ACACB: variants seen among roughly 807,000 people sequenced by gnomAD.
ACACB encodes acetyl-CoA carboxylase beta.
In ACACB, 209 loss-of-function variants were observed where a neutral mutation model predicts 278.8. The observed-to-expected ratio is 0.75, with a 90% CI of 0.67 to 0.84. ACACB has a LOEUF of 0.84. Ranked by LOEUF, ACACB falls within the 40% of genes least tolerant of loss-of-function variation. ACACB has a pLI of 0.00. For synonymous variants in ACACB, 1,174 were observed against 1,285.6 expected (o/e 0.91, Z 1.86); for missense variants, 2,850 against 3,269.0 (o/e 0.87, Z 3.13).
Position 109,223,515 on chromosome 12 carries a change from G to A in ACACB, c.3793-300G>A, listed in dbSNP as rs527667133. 9.9e-5 allele frequency among the ~76,000 whole-genome samples: 15 copies of A among 152,216 alleles called. No homozygotes were observed. The East Asian group carries it at 1.9e-3, about 20-fold the overall frequency. On this transcript the variant is annotated intron_variant, in intron 26 of 52. Transcript: ENST00000338432. ...GCTCATGCCTGTAATCCCAGCACTC[G>A]GGAGGCCAAGACTGGAGGATCACTT...
chr12:109,212,959 G>A, intron 22 of ACACB, 23 bp downstream of exon 22: 4 of 1,602,332 alleles, frequency 2.5e-6, no homozygotes, highest in Non-Finnish European at 3.4e-6. Flanking sequence ...TCTCCCCGTA[G>A]GATGTGGTTG....
intron 47 of ACACB, 92 bp from the exon 48 acceptor site, chr12:109,260,388 C>T: frequency 2.0e-6 from 3 of 1,503,978 alleles, no homozygotes; most frequent in South Asian, 1.2e-5. Context: ...CAGCTGGGCT[C>T]ACTCTCCCAG....
At chr12:109,129,606 G>A (rs1234855897) in intron 1 of ACACB, among the ~76,000 whole-genome samples, 1 of 152,228 alleles carries the variant, frequency 6.6e-6, no homozygotes, top group East Asian at 1.9e-4. Context: ...CACTGGATCA[G>A]GGAACAGATA....
rs747068694 is a variant in ACACB at position 109,188,087 on chromosome 12, G to A, written c.2069G>A (p.Gly690Glu). ...VWGYFSVAAT[G>E]GLHEFADSQF... is the part of the protein sequence containing the mutation. Reference sequence around the variant, plus strand: ...GGTTACTTCAGCGTGGCCGCTACTGGAGGCCTGCACGAGTTTGCGGATTCC... The same window carrying A: ...GGTTACTTCAGCGTGGCCGCTACTGAAGGCCTGCACGAGTTTGCGGATTCC... The change falls in exon 13 of 53, where the codon GGA becomes GAA. Residue 690 changes from glycine (G) to glutamate (E), a missense_variant. Gly to Glu is a moderately conservative substitution (Grantham distance 98, BLOSUM62 -2). Transcript: ENST00000338432. 9 of 1,613,806 alleles carry A rather than the reference G, an allele frequency of 5.6e-6. No homozygotes were observed. The South Asian group carries it at 7.7e-5, about 14-fold the overall frequency.
intron 1 of ACACB, among the ~76,000 whole-genome samples, chr12:109,117,383 A>G (rs899582153): frequency 1.3e-5 from 2 of 151,930 alleles, no homozygotes; most frequent in African/African-American, 2.4e-5. Context: ...AAGAAAAGAA[A>G]AAGAAAAAAA....
At position 109,259,103 on chromosome 12, in the gene ACACB, T is replaced by C. The variant is rs1408784649; in HGVS notation, c.6491T>C (p.Met2164Thr). 6 of 1,613,714 alleles carry C rather than the reference T, an allele frequency of 3.7e-6. No homozygotes were observed. In the African/African-American group the frequency reaches 6.7e-5, roughly 18 times the overall value. The change falls in exon 47 of 53, where the codon ATG becomes ACG. Residue 2164 changes from methionine (M) to threonine (T), a missense_variant. Transcript: ENST00000338432. ...AACTGGAGGGGGTTCTCCGGTGGCA[T>C]GAAAGGTAAGCCCCTCCCTGCCTAT... The part of the protein sequence containing the change: ...FANWRGFSGG[M>T]KDMYDQVLKF...
intron 47 of ACACB, among the ~76,000 whole-genome samples, chr12:109,259,471 C>T (rs2047320551): frequency 6.6e-6 from 1 of 151,586 alleles, no homozygotes; most frequent in Admixed American, 6.6e-5. Context: ...CCTATTGTCC[C>T]AGCTATTTGG....
At chr12:109,265,314 C>G in intron 51 of ACACB, 34 bp downstream of exon 51, 6 of 1,611,320 alleles carry the variant, frequency 3.7e-6, no homozygotes, top group Non-Finnish European at 5.1e-6. Flanking sequence ...CCGGTGAGCA[C>G]AGGGGGTGCT....
At position 109,166,845 on chromosome 12, in the gene ACACB, C is replaced by T. The variant is rs755422374; in HGVS notation, c.654-16C>T. On this transcript the variant is annotated splice_polypyrimidine_tract_variant and intron_variant, in intron 2 of 52. Transcript: ENST00000338432. The stretch of plus-strand genomic sequence containing the variant: ...TCTTCCCTCATGCACGTCTGTCCCT[C>T]ATTCTTATTCTGCAGGCCGAGCATG... The T allele has an allele frequency of 1.9e-6, 3 of 1,613,942 alleles. No individual in the cohort carries two copies. In the South Asian group the frequency reaches 3.3e-5, roughly 18 times the overall value.
At chr12:109,263,425 C>G (rs375173768) in intron 49 of ACACB, 1 of 152,178 alleles carries the variant, frequency 6.6e-6, no homozygotes, top group Admixed American at 6.5e-5. Context: ...GATTTGCCTG[C>G]GTCAGCCTCC....
In ACACB at chr12:109,206,864, C is replaced by A; in HGVS notation, c.3060+8C>A. ...CCCGTTTTTAGCATAAAGGTAAAGTCACCTATGAGCGCAGGCGTGTAGACC... is the reference window on the plus strand; with the variant it reads ...CCCGTTTTTAGCATAAAGGTAAAGTAACCTATGAGCGCAGGCGTGTAGACC... On this transcript the variant is annotated splice_region_variant and intron_variant, in intron 20 of 52. Transcript: ENST00000338432. 1 of 1,614,152 alleles carries A rather than the reference C, an allele frequency of 6.2e-7. No individual in the cohort carries two copies. The highest frequency in any genetic ancestry group is 1.1e-5 in the South Asian group (1 of 91,066).
chr12:109,142,453 A>G (rs2043145015), intron 2 of ACACB, among the ~76,000 whole-genome samples: 1 of 152,074 alleles, frequency 6.6e-6, no homozygotes, highest in Non-Finnish European at 1.5e-5. Context: ...CTTTCCACCC[A>G]CTGTCTTCCT....
chr12:109,246,643 GA>G (rs936542047), intron 39 of ACACB, among the ~76,000 whole-genome samples, 195 bp downstream of exon 39: 2 of 151,662 alleles, frequency 1.3e-5, no homozygotes, highest in Admixed American at 6.6e-5. Context: ...ATGGTGATGA[GA>G]AAAAAAAGAT....
At chr12:109,212,701 C>A in intron 21 of ACACB, 135 bp from the exon 22 acceptor site, 1 of 689,152 alleles carries the variant, frequency 1.5e-6, no homozygotes, top group Non-Finnish European at 2.6e-6. Context: ...TGCTTACCTC[C>A]CACTGTTCAG....
Position 109,179,228 on chromosome 12 carries a change from G to A in ACACB, c.1578G>A (p.Arg526=). 1.9e-6 allele frequency: 3 copies of A among 1,614,028 alleles called. No individual in the cohort carries two copies. The highest frequency in any genetic ancestry group is 2.5e-6 in the Non-Finnish European group (3 of 1,180,020). Residue 526 remains arginine, a synonymous_variant, in exon 10 of 53, where the codon CGG becomes CGA. Transcript: ENST00000338432. ...GTCGCGACTGCTCCATCCAGCGGCG[G>A]CATCAGAAGATCGTTGAGGAAGCAC... ...LFGRDCSIQR[R]HQKIVEEAPA...
chr12:109,253,170 C>T lies in ACACB; in HGVS notation c.6045+12C>T, dbSNP rs1213034571. On this transcript the variant is annotated intron_variant, in intron 43 of 52. Coordinates refer to ENST00000338432, the MANE Select transcript of ACACB (RefSeq NM_001093.4). ...CCTATATGCCAAAGGTGCAGTACTCCCCCTGCAGCTTAGAACCTGGAAGAC... is the reference window on the plus strand; with the variant it reads ...CCTATATGCCAAAGGTGCAGTACTCTCCCTGCAGCTTAGAACCTGGAAGAC... 6 of 1,538,142 alleles carry T rather than the reference C, an allele frequency of 3.9e-6. No individual in the cohort carries two copies. The highest frequency in any genetic ancestry group is 3.5e-6 in the Non-Finnish European group (4 of 1,135,856).
At chr12:109,143,298 C>CA (rs2043163593) in intron 2 of ACACB, among the ~76,000 whole-genome samples, 1 of 151,340 alleles carries the variant, frequency 6.6e-6, no homozygotes, top group South Asian at 2.1e-4. Context: ...CTCATCTCTA[C>CA]AAAAAAATAT....
At chr12:109,200,226 C>G (rs1367824062) in intron 18 of ACACB, among the ~76,000 whole-genome samples, 1 of 151,764 alleles carries the variant, frequency 6.6e-6, no homozygotes, top group African/African-American at 2.4e-5. Flanking sequence ...GTCTGTCACC[C>G]GGGCTGGAGT....
At chr12:109,231,495 A>C (rs989824362) in intron 28 of ACACB, among the ~76,000 whole-genome samples, 5 of 152,090 alleles carry the variant, frequency 3.3e-5, no homozygotes, top group African/African-American at 1.2e-4. Context: ...TGACCCCTGG[A>C]TTGAGCTGTC....
Sources: gnomAD v4.1 joint callset for allele counts (sites outside exome capture counted in the v4.1 genomes callset) on GRCh38, gnomAD v4.1.1 for gene constraint, MANE v1.5 for transcripts, NCBI Gene and HGNC (gene_info 2026-07-23, HGNC 2026-07-21) for gene names.